The following EXOC6B variants were observed in gnomAD, a reference collection of about 807,000 sequenced individuals.
EXOC6B encodes SEC15 homolog B.
Under a neutral mutation model 113.5 loss-of-function variants are expected in EXOC6B, and 54 were observed. The observed-to-expected ratio is 0.48, with a 90% CI of 0.38 to 0.60. The LOEUF (loss-of-function observed/expected upper bound fraction) is 0.60. EXOC6B is among the 20% of genes least tolerant of loss of function. The pLI, the probability that EXOC6B is intolerant of heterozygous loss-of-function variation, is 0.00. For synonymous variants in EXOC6B, 357 were observed against 339.0 expected (o/e 1.05, Z -0.58); for missense variants, 797 against 977.5 (o/e 0.82, Z 2.46).
At chr2:72,405,579 A>G (rs1251680337) in intron 18 of EXOC6B, among the ~76,000 whole-genome samples, 1 of 152,228 alleles carries the variant, frequency 6.6e-6, no homozygotes, top group African/African-American at 2.4e-5. Context: ...TTTTCAACCA[A>G]GAATTTCATA....
intron 6 of EXOC6B, among the ~76,000 whole-genome samples, chr2:72,614,538 A>T (rs1304487911): frequency 6.6e-6 from 1 of 152,192 alleles, no homozygotes; most frequent in African/African-American, 2.4e-5. Flanking sequence ...GAAGGACCAT[A>T]GCATCAACAA....
chr2:72,603,722 T>C (rs1483720814), intron 6 of EXOC6B, among the ~76,000 whole-genome samples: 1 of 152,178 alleles, frequency 6.6e-6, no homozygotes, highest in Non-Finnish European at 1.5e-5. Flanking sequence ...TGGTAAGTGC[T>C]TTGCGGCCCA....
chr2:72,184,217 A>T, intron 20 of EXOC6B, 30 bp from the exon 21 acceptor site: 1 of 1,249,972 alleles, frequency 8.0e-7, no homozygotes, highest in African/African-American at 1.5e-5. Flanking sequence ...CACCCCAGGG[A>T]TTAGTCAGAC....
intron 6 of EXOC6B, among the ~76,000 whole-genome samples, chr2:72,600,632 T>C (rs907228183): frequency 7.9e-5 from 12 of 151,860 alleles, no homozygotes; most frequent in Admixed American, 6.6e-4. Context: ...AAATAGATGA[T>C]GGAACAGCCG....
intron 20 of EXOC6B, among the ~76,000 whole-genome samples, chr2:72,222,078 G>A (rs1325442524): frequency 6.6e-6 from 1 of 152,206 alleles, no homozygotes; most frequent in Non-Finnish European, 1.5e-5. Context: ...TGATAAGTCA[G>A]TAAGAGCTTC....
intron 1 of EXOC6B, among the ~76,000 whole-genome samples, chr2:72,761,940 C>A (rs1444898633): frequency 6.6e-6 from 1 of 151,602 alleles, no homozygotes; most frequent in Non-Finnish European, 1.5e-5. Context: ...TACTGCTCAT[C>A]TCAAATTTAA....
At chr2:72,561,599 T>C (rs1703888609) in intron 7 of EXOC6B, among the ~76,000 whole-genome samples, 1 of 152,066 alleles carries the variant, frequency 6.6e-6, no homozygotes, top group African/African-American at 2.4e-5. Flanking sequence ...AGAATGAACA[T>C]CTAAATTAAG....
In EXOC6B at chr2:72,428,983, A is replaced by G. The variant is rs564879477; in HGVS notation, c.1980+36177T>C. 2.6e-5 allele frequency among the ~76,000 whole-genome samples: 4 copies of G among 152,286 alleles called. No homozygotes were observed. The South Asian group carries it at 8.3e-4, about 32-fold the overall frequency. On this transcript the variant is annotated intron_variant, in intron 18 of 21. Transcript: ENST00000272427. ...TGAAAGCAGATGAAAGATCAAATAG[A>G]CCTTTTTAATTTGTGATAATATTTA...
At chr2:72,267,082 C>T (rs955856398) in intron 20 of EXOC6B, among the ~76,000 whole-genome samples, 2 of 152,076 alleles carry the variant, frequency 1.3e-5, no homozygotes, top group Admixed American at 6.6e-5. Context: ...TATAAGAATG[C>T]TTGTGATTTT....
intron 1 of EXOC6B, among the ~76,000 whole-genome samples, chr2:72,802,838 T>C (rs1685367942): frequency 6.6e-6 from 1 of 152,144 alleles, no homozygotes; most frequent in Non-Finnish European, 1.5e-5. Flanking sequence ...TGAGCATCAT[T>C]TGAAACTAGA....
intron 1 of EXOC6B, among the ~76,000 whole-genome samples, chr2:72,742,318 T>G (rs1182342329): frequency 1.3e-5 from 2 of 152,190 alleles, no homozygotes; most frequent in Admixed American, 1.3e-4. Context: ...TAACTTTTAT[T>G]TAAATATAAT....
intron 6 of EXOC6B, among the ~76,000 whole-genome samples, chr2:72,672,026 A>G (rs1675917270): frequency 6.6e-6 from 1 of 152,228 alleles, no homozygotes; most frequent in Admixed American, 6.5e-5. Context: ...ACTTTTATCA[A>G]AAAGACAGGG....
At chr2:72,626,811 C>T (rs191160073) in intron 6 of EXOC6B, among the ~76,000 whole-genome samples, 100 of 152,076 alleles carry the variant, frequency 6.6e-4, no homozygotes, top group African/African-American at 2.3e-3. Flanking sequence ...GAGAAAACCC[C>T]TTTTTTGTTT....
At chr2:72,195,593 T>C in intron 20 of EXOC6B, among the ~76,000 whole-genome samples, 1 of 152,190 alleles carries the variant, frequency 6.6e-6, no homozygotes, top group East Asian at 1.9e-4. Context: ...AGTTGTTAAC[T>C]AAACTACCCT....
At chr2:72,497,489 T>C (rs949818993) in intron 13 of EXOC6B, among the ~76,000 whole-genome samples, 1 of 152,172 alleles carries the variant, frequency 6.6e-6, no homozygotes, top group Non-Finnish European at 1.5e-5. Context: ...GAAGACTCAC[T>C]GAAGGCGTCA....
intron 6 of EXOC6B, among the ~76,000 whole-genome samples, chr2:72,665,061 C>T (rs553726346): frequency 1.3e-5 from 2 of 152,182 alleles, no homozygotes; most frequent in Non-Finnish European, 2.9e-5. Context: ...AGGGCTGGCA[C>T]AGGAGTGGGG....
At chr2:72,372,455 T>C (rs1691086981) in intron 19 of EXOC6B, among the ~76,000 whole-genome samples, 1 of 152,184 alleles carries the variant, frequency 6.6e-6, no homozygotes, top group African/African-American at 2.4e-5. Flanking sequence ...AGCATGGTAC[T>C]GGCATTAAAT....
rs756350237 is a variant in EXOC6B, at chr2:72,316,423, CCTTTACCCA to C, written c.2196+18515_2196+18523del. 1.2e-4 allele frequency among the ~76,000 whole-genome samples: 19 copies of C among 152,210 alleles called. 1 individual carries two copies. Among genetic ancestry groups the C allele is most frequent in the African/African-American group, 4.3e-4 (18 of 41,524 alleles). On this transcript the variant is annotated intron_variant, in intron 20 of 21. Coordinates refer to ENST00000272427, the MANE Select transcript of EXOC6B (RefSeq NM_015189.3). ...GTTCCAGGAACTGCCACCTAAGTTCCCTTTACCCACTTTACCCATATTTGGTTTTGCCTT... is the reference window on the plus strand; with the variant it reads ...GTTCCAGGAACTGCCACCTAAGTTCCCTTTACCCATATTTGGTTTTGCCTT...
At chr2:72,823,899 G>C (rs903991487) in intron 1 of EXOC6B, among the ~76,000 whole-genome samples, 2 of 152,032 alleles carry the variant, frequency 1.3e-5, no homozygotes, top group Admixed American at 6.6e-5. Flanking sequence ...CATTATATTT[G>C]GTATTATAAG....
Sources: allele counts gnomAD v4.1 joint callset (sites outside exome capture counted in the v4.1 genomes callset), GRCh38; gene constraint gnomAD v4.1.1; transcripts MANE v1.5; gene names NCBI Gene and HGNC (gene_info 2026-07-23, HGNC 2026-07-21).